Variants in TACC3 observed in about 807,000 individuals in gnomAD.
TACC3 encodes the protein transforming acidic coiled-coil containing protein 3, also known as transforming acidic coiled-coil-containing protein 3.
A neutral mutation model predicts 86.0 loss-of-function variants in TACC3; 52 were observed. The ratio of observed to expected loss-of-function variants is 0.60; its 90% CI spans 0.48 to 0.76. The LOEUF is 0.76. TACC3 is among the 30% of genes least tolerant of loss of function. The probability of loss-of-function intolerance (pLI) is 0.00; values close to 1 mark genes in which losing one functional copy is unlikely to be tolerated. For synonymous variants in TACC3, 512 were observed against 430.0 expected, an observed-to-expected ratio of 1.19 and a Z score of -2.36; for missense variants, 1,120 against 1,070.4, an observed-to-expected ratio of 1.05 and a Z score of -0.65.
chr4:1,743,516 T>G (rs1161333005), intron 13 of TACC3, among the ~76,000 whole-genome samples: 2 of 151,030 alleles, frequency 1.3e-5, no homozygotes, highest in Non-Finnish European at 2.9e-5. Flanking sequence ...TCATGCCACT[T>G]CACTCCAGCC....
chr4:1,727,767 T>G lies in TACC3; in HGVS notation c.365T>G (p.Val122Gly). The change falls in exon 4 of 16, where the codon GTG becomes GGG. Residue 122 changes from valine to glycine, a missense_variant. Transcript: ENST00000313288. The stretch of plus-strand genomic sequence containing the variant: ...ACTCATGGAATTCTACAGAAACCAG[T>G]GGAGGCTGACACCGACCTCCTGGGG... ...KTTHGILQKP[V>G]EADTDLLGDA... 6.2e-7 allele frequency: 1 copy of G among 1,610,966 alleles called. No homozygotes were observed. Among genetic ancestry groups the G allele is most frequent in the Non-Finnish European group, 8.5e-7 (1 of 1,178,700 alleles).
chr4:1,742,981 A>C (rs1295193368), intron 13 of TACC3, among the ~76,000 whole-genome samples: 1 of 152,186 alleles, frequency 6.6e-6, no homozygotes, highest in Non-Finnish European at 1.5e-5. Context: ...CAAAAAATAC[A>C]GAAAAACTAG....
intron 12 of TACC3, 170 bp downstream of exon 12, chr4:1,740,172 G>T: frequency 1.5e-6 from 1 of 664,768 alleles, no homozygotes; most frequent in Non-Finnish European, 2.6e-6. Flanking sequence ...GCGAGTTGCG[G>T]GGAAGCTGGT....
chr4:1,720,958 C>G, upstream of TACC3: 1 of 655,628 alleles, frequency 1.5e-6, no homozygotes, highest in Admixed American at 4.6e-5. The surrounding 1 kb of genome is among the most constrained non-coding windows in gnomAD (Gnocchi z 4.4). Flanking sequence ...GCGGGGCACT[C>G]TAGGACATGG....
At chr4:1,727,133 A>AG (rs1220401037) in intron 3 of TACC3, among the ~76,000 whole-genome samples, 1 of 151,874 alleles carries the variant, frequency 6.6e-6, no homozygotes, top group African/African-American at 2.4e-5. Flanking sequence ...TCCGTCTCAA[A>AG]AAAAAAAAAC....
chr4:1,730,972 G>A lies in TACC3; in HGVS notation c.1461+10G>A. The A allele has an allele frequency of 6.2e-7, 1 of 1,613,352 alleles. No homozygotes were observed. The highest frequency in any genetic ancestry group is 8.5e-7 in the Non-Finnish European group (1 of 1,179,950). On this transcript the variant is annotated intron_variant, in intron 5 of 15. Transcript: ENST00000313288. ...AACAGCAGAGAGCAAGGTAAGGGGT[G>A]CTTGTGTGGGTACCTGTGCTCCTGG...
chr4:1,732,982 C>T (rs1472296000), intron 6 of TACC3, among the ~76,000 whole-genome samples: 5 of 152,206 alleles, frequency 3.3e-5, no homozygotes, highest in Admixed American at 3.3e-4. Flanking sequence ...GTCACAGTAA[C>T]TCTGCTCACC....
rs758863627 is a variant in TACC3 at position 1,744,570 on chromosome 4, A to G, written c.2276A>G (p.Gln759Arg). The change falls in exon 14 of 16, where the codon CAG becomes CGG. Residue 759 changes from glutamine to arginine, a missense_variant. Physicochemically the swap from Gln to Arg is conservative, Grantham distance 43 (BLOSUM62 1). Transcript: ENST00000313288. ...CVEDYLARIT[Q>R]EGQRYQALKA... is the part of the protein sequence containing the mutation. ...GAGGATTACCTGGCAAGGATCACCC[A>G]GGAGGGCCAGAGGTACCAAGCCCTG... The G allele has an allele frequency of 1.2e-6, 2 of 1,613,262 alleles. No individual in the cohort carries two copies. Among genetic ancestry groups the G allele is most frequent in the Non-Finnish European group, 1.7e-6 (2 of 1,179,990 alleles).
intron 13 of TACC3, 91 bp from the exon 14 acceptor site, chr4:1,744,427 G>A (rs1718742788): frequency 8.2e-7 from 1 of 1,215,226 alleles, no homozygotes; most frequent in Non-Finnish European, 1.2e-6. Flanking sequence ...GCCCCAGACA[G>A]CCTCGAGGAT....
At chr4:1,722,113 C>G (rs2108679275) in intron 1 of TACC3, among the ~76,000 whole-genome samples, 1 of 152,288 alleles carries the variant, frequency 6.6e-6, no homozygotes, top group South Asian at 2.1e-4. Context: ...CTCCACCTTC[C>G]CCCCGCACCG....
chr4:1,737,268 A>T lies in TACC3; in HGVS notation c.1776A>T (p.Ser592=). 1 of 1,614,144 alleles carries T rather than the reference A, an allele frequency of 6.2e-7. No homozygotes were observed. Among genetic ancestry groups the T allele is most frequent in the Non-Finnish European group, 8.5e-7 (1 of 1,180,030 alleles). The change falls in exon 9 of 16, where the codon TCA becomes TCT. Residue 592 remains serine, a synonymous_variant. Transcript: ENST00000313288. ...TGCACGGTGCAAATGAGACTCCCTC[A>T]GGACGTCCGCGGGAAGCCAAGCTTG... ...SSMHGANETP[S]GRPREAKLVE...
chr4:1,723,450 A>G lies in TACC3; in HGVS notation c.29A>G (p.Asn10Ser), dbSNP rs1426395968. The change falls in exon 2 of 16, where the codon AAT becomes AGT. Residue 10 changes from asparagine (N) to serine (S), a missense_variant. Physicochemically the swap from Asn to Ser is conservative, Grantham distance 46. Transcript: ENST00000313288. MSLQVLNDK[N>S]VSNEKNTENC... is the part of the protein sequence containing the mutation. ...AGTCTGCAGGTCTTAAACGACAAAA[A>G]TGTCAGCAATGAAAAAAATACAGAA... The G allele has an allele frequency of 5.0e-6, 8 of 1,613,402 alleles. No individual in the cohort carries two copies. Among genetic ancestry groups the G allele is most frequent in the Non-Finnish European group, 6.8e-6 (8 of 1,179,964 alleles).
intron 5 of TACC3, 101 bp from the exon 6 acceptor site, chr4:1,731,071 C>T: frequency 2.5e-6 from 4 of 1,594,006 alleles, no homozygotes; most frequent in Non-Finnish European, 3.4e-6. Flanking sequence ...ATGTCCCGCT[C>T]CCTCTCCCCC....
At chr4:1,722,199 G>T (rs1191632253) in intron 1 of TACC3, among the ~76,000 whole-genome samples, 1 of 152,086 alleles carries the variant, frequency 6.6e-6, no homozygotes, top group Non-Finnish European at 1.5e-5. Context: ...AGCCCCTCCC[G>T]GGCCTCCATA....
Position 1,735,864 on chromosome 4 carries a change from A to T in TACC3, c.1748+30A>T. On this transcript the variant is annotated intron_variant, in intron 8 of 15. Transcript: ENST00000313288. This position sits in a 1 kb window ranked among gnomAD's most constrained non-coding sequence, Gnocchi z 4.2. ...GTGCGCCGGCCCTCCCTCATGCATG[A>T]AGCCTTGAGTGTGGGAAGACTGGAG... is the stretch of plus-strand genomic sequence containing the variant. The T allele has an allele frequency of 6.9e-7, 1 of 1,458,550 alleles. No homozygotes were observed. Among genetic ancestry groups the T allele is most frequent in the Non-Finnish European group, 9.4e-7 (1 of 1,058,710 alleles). The allele number at this position is 1,458,550 out of a possible 1,614,324, so 90.4% of individuals were successfully genotyped here.
chr4:1,736,470 A>G (rs987967080), intron 8 of TACC3, among the ~76,000 whole-genome samples: 48 of 151,148 alleles, frequency 3.2e-4, no homozygotes, highest in African/African-American at 1.2e-3. Context: ...TCAGCAAACT[A>G]TCACCTGTGG....
intron 14 of TACC3, 39 bp from the exon 15 acceptor site, chr4:1,744,673 G>T: frequency 6.2e-7 from 1 of 1,612,174 alleles, no homozygotes; most frequent in East Asian, 2.2e-5. Flanking sequence ...TGAGCACCTG[G>T]GCCCCAGCTC....
rs1020125312 is a variant in TACC3 at position 1,737,461 on chromosome 4, TC to T, written c.1837-134del. 6 of 1,114,614 alleles carry T rather than the reference TC, an allele frequency of 5.4e-6. No homozygotes were observed. In the African/African-American group the frequency reaches 9.3e-5, roughly 17 times the overall value. The allele number at this position is 1,114,614 out of a possible 1,614,324, so 69.0% of individuals were successfully genotyped here. A position where few individuals can be genotyped will look rare whatever the true frequency, so the allele number is the denominator to read the frequency against. On this transcript the variant is annotated intron_variant, in intron 9 of 15. Transcript: ENST00000313288. Reference sequence around the variant, plus strand: ...TGGGGGCATGGGGCCGCTGTGCTGTTCCCTCGCCGCACTGTCTCGGGTCCCT... The same window carrying T: ...TGGGGGCATGGGGCCGCTGTGCTGTTCCTCGCCGCACTGTCTCGGGTCCCT...
Position 1,728,302 on chromosome 4 carries a change from G to A in TACC3, c.900G>A (p.Glu300=). The A allele has an allele frequency of 1.2e-6, 2 of 1,612,916 alleles. No homozygotes were observed. The highest frequency in any genetic ancestry group is 1.7e-6 in the Non-Finnish European group (2 of 1,180,036). The change falls in exon 4 of 16, where the codon GAG becomes GAA. Residue 300 remains glutamate (E), a synonymous_variant. Transcript: ENST00000313288. The part of the protein sequence containing the change: ...TLTCAHTSAP[E]STAPTNHLVA... ...CCTGTGCACACACCTCTGCTCCTGA[G>A]AGCACAGCCCCAACCAACCACCTGG... is the stretch of plus-strand genomic sequence containing the variant.
Sources: gnomAD v4.1 joint callset for allele counts (sites outside exome capture counted in the v4.1 genomes callset) on GRCh38, gnomAD v4.1.1 for gene constraint, Gnocchi (gnomAD v3.1) non-coding constraint, MANE v1.5 for transcripts, NCBI Gene and HGNC (gene_info 2026-07-23, HGNC 2026-07-21) for gene names.